The following PCDHA6 variants were observed in gnomAD, a reference collection of about 807,000 sequenced individuals.
PCDHA6 encodes the protein protocadherin alpha 6.
In PCDHA6, 55 loss-of-function variants were observed where a neutral mutation model predicts 60.3. The observed-to-expected ratio is 0.91, with a 90% CI of 0.73 to 1.14. PCDHA6 has a LOEUF of 1.14. PCDHA6 is among the 50% of genes most tolerant of loss of function. PCDHA6 has a pLI of 0.00. For synonymous variants in PCDHA6, 652 were observed against 557.9 expected, an observed-to-expected ratio of 1.17 and a Z score of -2.38; for missense variants, 1,327 against 1,256.5, an observed-to-expected ratio of 1.06 and a Z score of -0.85.
At chr5:140,930,416 T>C (rs1554207810) in intron 1 of PCDHA6, 1 of 151,928 alleles carries the variant, frequency 6.6e-6, no homozygotes, top group East Asian at 1.9e-4. Flanking sequence ...GAGACAGGGG[T>C]CTCACTATGT....
chr5:140,913,518 A>G (rs1375122197), intron 1 of PCDHA6, among the ~76,000 whole-genome samples: 2 of 151,902 alleles, frequency 1.3e-5, no homozygotes, highest in Non-Finnish European at 2.9e-5. Context: ...AATTTTATTT[A>G]TCTTTTCAAA....
chr5:140,950,556 A>G (rs2094497175), intron 1 of PCDHA6, among the ~76,000 whole-genome samples: 2 of 152,036 alleles, frequency 1.3e-5, no homozygotes, highest in Non-Finnish European at 2.9e-5. Context: ...CTGGGGGGAC[A>G]CTTATTTTAA....
At chr5:140,902,051 A>G (rs998360115) in intron 1 of PCDHA6, among the ~76,000 whole-genome samples, 2 of 152,100 alleles carry the variant, frequency 1.3e-5, no homozygotes, top group African/African-American at 4.8e-5. Context: ...TTGATTTTGT[A>G]TCCTGCAACT....
At position 140,829,672 on chromosome 5, in the gene PCDHA6, G is replaced by T; in HGVS notation, c.1581G>T (p.Glu527Asp). Residue 527 changes from glutamate to aspartate, a missense_variant, in exon 1 of 4, where the codon GAG (glutamate) becomes GAT (aspartate). Coordinates refer to ENST00000529310, the MANE Select transcript of PCDHA6 (RefSeq NM_018909.4). ...CGCTGCAGCCGCTGGACCACGAGGA[G>T]CTAGAGCTGCTGCAGTTTCAGGTGA... ...VYALQPLDHE[E>D]LELLQFQVSA... 1 of 1,613,008 alleles carries T rather than the reference G, an allele frequency of 6.2e-7. No individual in the cohort carries two copies. Among genetic ancestry groups the T allele is most frequent in the South Asian group, 1.1e-5 (1 of 91,046 alleles).
chr5:140,951,333 G>A (rs922078825), intron 1 of PCDHA6, among the ~76,000 whole-genome samples: 1 of 151,964 alleles, frequency 6.6e-6, no homozygotes, highest in African/African-American at 2.4e-5. Flanking sequence ...TCATCATTCT[G>A]TTTGTGTTAG....
chr5:141,001,058 A>G (rs1554257985), intron 3 of PCDHA6, among the ~76,000 whole-genome samples: 2 of 152,146 alleles, frequency 1.3e-5, no homozygotes, highest in African/African-American at 4.8e-5. Flanking sequence ...TAAATCATTT[A>G]AAATTAAATA....
intron 1 of PCDHA6, among the ~76,000 whole-genome samples, chr5:140,922,408 T>C (rs2080827805): frequency 6.6e-6 from 1 of 152,196 alleles, no homozygotes; most frequent in Non-Finnish European, 1.5e-5. Context: ...ATTAAAAAGA[T>C]CTAGGTACAG....
At chr5:140,964,567 A>G (rs2095840776) in intron 1 of PCDHA6, among the ~76,000 whole-genome samples, 1 of 152,080 alleles carries the variant, frequency 6.6e-6, no homozygotes. Context: ...GGCTGGGAGG[A>G]GATAAGGGGA....
Position 140,925,082 on chromosome 5 carries a change from A to AAAGGAAGG in PCDHA6, c.2395-53849_2395-53842dup, listed in dbSNP as rs138596875. 2.5e-3 allele frequency among the ~76,000 whole-genome samples: 363 copies of AAAGGAAGG among 147,386 alleles called. 3 individuals carry two copies. The highest frequency in any genetic ancestry group is 8.0e-3 in the African/African-American group (310 of 38,948). ...GCAACAAAGCAACACGCTCATCTGG[A>AAAGGAAGG]AAGGAAGGAAGGAAGGAAGGAAGGA... On this transcript the variant is annotated intron_variant, in intron 1 of 3. Transcript: ENST00000529310.
chr5:140,999,027 T>A (rs2097843534), intron 3 of PCDHA6, among the ~76,000 whole-genome samples: 1 of 152,262 alleles, frequency 6.6e-6, no homozygotes, highest in Admixed American at 6.5e-5. Flanking sequence ...AGACTTTTGA[T>A]ACTTCGTCCA....
At chr5:140,968,167 A>C (rs782252124) in intron 1 of PCDHA6, 1 of 1,614,076 alleles carries the variant, frequency 6.2e-7, no homozygotes, top group Admixed American at 1.7e-5. Flanking sequence ...ACAATCCACC[A>C]AGCTTCCTGG....
chr5:140,927,105 CAGCGG>C, intron 1 of PCDHA6: 1 of 1,613,778 alleles, frequency 6.2e-7, no homozygotes, highest in Non-Finnish European at 8.5e-7. Flanking sequence ...TGGATCTACC[CAGCGG>C]CAATTTGGTG....
intron 1 of PCDHA6, among the ~76,000 whole-genome samples, chr5:140,896,645 A>G (rs988054711): frequency 1.3e-5 from 2 of 151,728 alleles, no homozygotes; most frequent in African/African-American, 4.8e-5. Context: ...CCAAAGTGCT[A>G]GTATTACAGG....
intron 3 of PCDHA6, among the ~76,000 whole-genome samples, chr5:141,005,494 G>A (rs1554260099): frequency 2.0e-5 from 3 of 151,700 alleles, no homozygotes; most frequent in Non-Finnish European, 2.9e-5. Flanking sequence ...ATGAGGTCAG[G>A]AGATCGAGAC....
chr5:140,874,556 C>CAAAA (rs2054997993), intron 1 of PCDHA6, among the ~76,000 whole-genome samples: 1 of 152,178 alleles, frequency 6.6e-6, no homozygotes, highest in African/African-American at 2.4e-5. Flanking sequence ...AGAGATCTTT[C>CAAAA]GCATTTTAGT....
intron 3 of PCDHA6, among the ~76,000 whole-genome samples, chr5:141,007,567 CA>C (rs1489201842): frequency 6.6e-6 from 1 of 151,954 alleles, no homozygotes; most frequent in Non-Finnish European, 1.5e-5. Flanking sequence ...GGCTCTATCT[CA>C]AATTTAAAAA....
At chr5:140,893,763 TG>T (rs1554185760) in intron 1 of PCDHA6, among the ~76,000 whole-genome samples, 1 of 152,156 alleles carries the variant, frequency 6.6e-6, no homozygotes, top group African/African-American at 2.4e-5. Flanking sequence ...ATAGGTGACT[TG>T]TCACTTTTCT....
chr5:140,997,100 T>G (rs1286807919), intron 3 of PCDHA6, among the ~76,000 whole-genome samples: 1 of 152,170 alleles, frequency 6.6e-6, no homozygotes, highest in Non-Finnish European at 1.5e-5. Flanking sequence ...AGAGTTCTCA[T>G]GCACTCCTGC....
At chr5:140,959,570 T>C (rs1324858058) in intron 1 of PCDHA6, among the ~76,000 whole-genome samples, 1 of 152,184 alleles carries the variant, frequency 6.6e-6, no homozygotes. Context: ...ACTAGATTTT[T>C]TGTTTCAATT....
Sources: gnomAD v4.1 joint callset for allele counts (sites outside exome capture counted in the v4.1 genomes callset) on GRCh38, gnomAD v4.1.1 for gene constraint, MANE v1.5 for transcripts, NCBI Gene and HGNC (gene_info 2026-07-23, HGNC 2026-07-21) for gene names.